PABPC1L2A: variants seen among roughly 807,000 people sequenced by gnomAD.
PABPC1L2A encodes poly(A) binding protein cytoplasmic 1 like 2A.
chrX:73,079,440 C>A lies in PABPC1L2A; in HGVS notation c.-54G>T. ...CCGAGGGTCTCATCCGCATCTGCAT[C>A]CGCGGCGGCCGCCGCAGCCGCCACC... On this transcript the variant is annotated 5_prime_UTR_variant, in exon 1 of 1. Transcript: ENST00000373519. 1.1e-6 allele frequency: 1 copy of A among 935,685 alleles called. No homozygotes were observed. 77.1% of individuals were successfully genotyped at this position (935,685 alleles called of 1,213,427 possible). A position where few individuals can be genotyped will look rare whatever the true frequency, so the allele number is the denominator to read the frequency against.
Position 73,077,722 on chromosome X carries a change from G to GACACACAC in PABPC1L2A, c.*1054_*1061dup, listed in dbSNP as rs377158860. On this transcript the variant is annotated 3_prime_UTR_variant, in exon 1 of 1. Transcript: ENST00000373519. Reference sequence around the variant, plus strand: ...CTTTGTAGCCCGCCAAGCTGGCCAAGACACACACACACACACACACACACA... The same window carrying GACACACAC: ...CTTTGTAGCCCGCCAAGCTGGCCAAGACACACACACACACACACACACACACACACACA... 1.5e-4 allele frequency: 16 copies of GACACACAC among 104,790 alleles called. No individual in the cohort carries two copies. Among genetic ancestry groups the GACACACAC allele is most frequent in the African/African-American group, 4.9e-4 (13 of 26,764 alleles). The allele number at this position is 104,790 out of a possible 1,213,427, so 8.6% of individuals were successfully genotyped here. A position where few individuals can be genotyped will look rare whatever the true frequency, so the allele number is the denominator to read the frequency against.
rs1199374640 is a variant in PABPC1L2A, at chrX:73,077,567, A to AT, written c.*1216dup. On this transcript the variant is annotated 3_prime_UTR_variant, in exon 1 of 1. Coordinates refer to ENST00000373519, the MANE Select transcript of PABPC1L2A (RefSeq NM_001012977.3). ...CTTCTGGTAACTTGTCTGCTTTGTGATTTTTTTTTCTTGCAATGACGCTGA... is the reference window on the plus strand; with the variant it reads ...CTTCTGGTAACTTGTCTGCTTTGTGATTTTTTTTTTCTTGCAATGACGCTGA... 4.3e-4 allele frequency: 51 copies of AT among 119,912 alleles called. No homozygotes were observed. Among genetic ancestry groups the AT allele is most frequent in the Non-Finnish European group, 7.0e-4 (37 of 52,710 alleles). The allele number at this position is 119,912 out of a possible 1,213,427, so 9.9% of individuals were successfully genotyped here. A position where few individuals can be genotyped will look rare whatever the true frequency, so the allele number is the denominator to read the frequency against.
rs2055543830 is a variant in PABPC1L2A, at chrX:73,077,404, T to C, written c.*1380A>G. ...TGTACATCATAATATACATATATGATATATGCATAAGAAAAAAACTAGACC... is the reference window on the plus strand; with the variant it reads ...TGTACATCATAATATACATATATGACATATGCATAAGAAAAAAACTAGACC... On this transcript the variant is annotated 3_prime_UTR_variant, in exon 1 of 1. Coordinates refer to ENST00000373519, the MANE Select transcript of PABPC1L2A (RefSeq NM_001012977.3). 1 of 111,647 alleles carries C rather than the reference T, an allele frequency of 9.0e-6. No individual in the cohort carries two copies. Among genetic ancestry groups the C allele is most frequent in the Non-Finnish European group, 1.9e-5 (1 of 53,096 alleles). The allele number at this position is 111,647 out of a possible 1,213,427, so 9.2% of individuals were successfully genotyped here.
chrX:73,077,426 G>C lies in PABPC1L2A; in HGVS notation c.*1358C>G, dbSNP rs1490618190. The C allele has an allele frequency of 1.8e-5, 2 of 111,528 alleles. No individual in the cohort carries two copies. Among genetic ancestry groups the C allele is most frequent in the Admixed American group, 9.6e-5 (1 of 10,458 alleles). 9.2% of individuals were successfully genotyped at this position (111,528 alleles called of 1,213,427 possible). On this transcript the variant is annotated 3_prime_UTR_variant, in exon 1 of 1. Coordinates refer to ENST00000373519, the MANE Select transcript of PABPC1L2A (RefSeq NM_001012977.3). Reference sequence around the variant, plus strand: ...TGATATATGCATAAGAAAAAAACTAGACCTACAGACAAAAATGTTTCAGGT... The same window carrying C: ...TGATATATGCATAAGAAAAAAACTACACCTACAGACAAAAATGTTTCAGGT...
Position 73,079,481 on chromosome X carries a change from G to C in PABPC1L2A, c.-95C>G, listed in dbSNP as rs2147931595. 1 of 1,047,021 alleles carries C rather than the reference G, an allele frequency of 9.6e-7. No homozygotes were observed. Among genetic ancestry groups the C allele is most frequent in the South Asian group, 2.3e-5 (1 of 44,316 alleles). The allele number at this position is 1,047,021 out of a possible 1,213,427, so 86.3% of individuals were successfully genotyped here. Reference sequence around the variant, plus strand: ...AGCCGCCACCTCGGCCGCCACCTCGGCCGCCACCTTCGCATCCGCATCCGC... The same window carrying C: ...AGCCGCCACCTCGGCCGCCACCTCGCCCGCCACCTTCGCATCCGCATCCGC... On this transcript the variant is annotated 5_prime_UTR_variant, in exon 1 of 1. Transcript: ENST00000373519.
At position 73,077,495 on chromosome X, in the gene PABPC1L2A, G is replaced by T. The variant is rs1365332670; in HGVS notation, c.*1289C>A. The T allele has an allele frequency of 3.4e-5, 4 of 117,421 alleles. No individual in the cohort carries two copies. The highest frequency in any genetic ancestry group is 7.5e-5 in the Non-Finnish European group (4 of 53,100). The allele number at this position is 117,421 out of a possible 1,213,427, so 9.7% of individuals were successfully genotyped here. On this transcript the variant is annotated 3_prime_UTR_variant, in exon 1 of 1. Transcript: ENST00000373519. ...AGAGGTGTGCATGAAAATGTTTCTGGAATGTGTGTGTAATCATCAGAAATG... is the reference window on the plus strand; with the variant it reads ...AGAGGTGTGCATGAAAATGTTTCTGTAATGTGTGTGTAATCATCAGAAATG...
At position 73,077,722 on chromosome X, in the gene PABPC1L2A, G is replaced by GAC. The variant is rs377158860; in HGVS notation, c.*1060_*1061dup. 6,875 of 108,863 alleles carry GAC rather than the reference G, an allele frequency of 0.063. 543 individuals are homozygous for GAC. The highest frequency in any genetic ancestry group is 0.22 in the African/African-American group (5,824 of 26,688). The allele number at this position is 108,863 out of a possible 1,213,427, so 9.0% of individuals were successfully genotyped here. On this transcript the variant is annotated 3_prime_UTR_variant, in exon 1 of 1. Transcript: ENST00000373519. The stretch of plus-strand genomic sequence containing the variant: ...CTTTGTAGCCCGCCAAGCTGGCCAA[G>GAC]ACACACACACACACACACACACACA...
At position 73,077,826 on chromosome X, in the gene PABPC1L2A, C is replaced by T; in HGVS notation, c.*958G>A. ...AAACGGGCATACTCTTTACTAGCTG[C>T]GCTGGCCGGCACGAGTGCAAATCGG... On this transcript the variant is annotated 3_prime_UTR_variant, in exon 1 of 1. Transcript: ENST00000373519. The T allele has an allele frequency of 8.1e-6, 1 of 124,137 alleles. No homozygotes were observed. The allele number at this position is 124,137 out of a possible 1,213,427, so 10.2% of individuals were successfully genotyped here.
rs1556385321 is a variant in PABPC1L2A, at chrX:73,077,555, G to C, written c.*1229C>G. On this transcript the variant is annotated 3_prime_UTR_variant, in exon 1 of 1. Transcript: ENST00000373519. ...GACTTTAATTTTCTTCTGGTAACTTGTCTGCTTTGTGATTTTTTTTTCTTG... is the reference window on the plus strand; with the variant it reads ...GACTTTAATTTTCTTCTGGTAACTTCTCTGCTTTGTGATTTTTTTTTCTTG... 1 of 121,423 alleles carries C rather than the reference G, an allele frequency of 8.2e-6. No individual in the cohort carries two copies. The highest frequency in any genetic ancestry group is 2.8e-4 in the East Asian group (1 of 3,544). The allele number at this position is 121,423 out of a possible 1,213,427, so 10.0% of individuals were successfully genotyped here. A position where few individuals can be genotyped will look rare whatever the true frequency, so the allele number is the denominator to read the frequency against.
Position 73,079,490 on chromosome X carries a change from T to TTC in PABPC1L2A, c.-106_-105dup. ...CTCGGCCGCCACCTCGGCCGCCACCTTCGCATCCGCATCCGCATCCGCATC... is the reference window on the plus strand; with the variant it reads ...CTCGGCCGCCACCTCGGCCGCCACCTTCTCGCATCCGCATCCGCATCCGCATC... On this transcript the variant is annotated 5_prime_UTR_variant, in exon 1 of 1. It introduces an in-frame stop codon into an upstream open reading frame of the 5' UTR. Transcript: ENST00000373519. The TTC allele has an allele frequency of 9.7e-7, 1 of 1,031,462 alleles. No homozygotes were observed. 85.0% of individuals were successfully genotyped at this position (1,031,462 alleles called of 1,213,427 possible).
rs1219778134 is a variant in PABPC1L2A at position 73,077,732 on chromosome X, C to CAAAG, written c.*1051_*1052insCTTT. 21 of 119,432 alleles carry CAAAG rather than the reference C, an allele frequency of 1.8e-4. No homozygotes were observed. Among genetic ancestry groups the CAAAG allele is most frequent in the East Asian group, 5.7e-4 (2 of 3,490 alleles). 9.8% of individuals were successfully genotyped at this position (119,432 alleles called of 1,213,427 possible). ...CGCCAAGCTGGCCAAGACACACACA[C>CAAAG]ACACACACACACACACACACGCACG... On this transcript the variant is annotated 3_prime_UTR_variant, in exon 1 of 1. Coordinates refer to ENST00000373519, the MANE Select transcript of PABPC1L2A (RefSeq NM_001012977.3).
In PABPC1L2A at chrX:73,077,624, G is replaced by A. The variant is rs1445125494; in HGVS notation, c.*1160C>T. 5.0e-5 allele frequency: 6 copies of A among 120,927 alleles called. No homozygotes were observed. In the Admixed American group the frequency reaches 5.8e-4, roughly 12 times the overall value. The allele number at this position is 120,927 out of a possible 1,213,427, so 10.0% of individuals were successfully genotyped here. On this transcript the variant is annotated 3_prime_UTR_variant, in exon 1 of 1. Transcript: ENST00000373519. ...TTTCTGACAACAGGGAAAAGGACAG[G>A]AAGAGGGCACAGGGGAATGGGGTCA...
rs2055542782 is a variant in PABPC1L2A, at chrX:73,077,293, T to C, written c.*1491A>G. The C allele has an allele frequency of 9.0e-6, 1 of 111,580 alleles. No individual in the cohort carries two copies. The highest frequency in any genetic ancestry group is 3.3e-5 in the African/African-American group (1 of 30,694). 9.2% of individuals were successfully genotyped at this position (111,580 alleles called of 1,213,427 possible). On this transcript the variant is annotated 3_prime_UTR_variant, in exon 1 of 1. Transcript: ENST00000373519. ...AGAGAAAATATTTTAAAAGTATCTTTAATGACATGAAATGAAGTTCAAGAA... is the reference window on the plus strand; with the variant it reads ...AGAGAAAATATTTTAAAAGTATCTTCAATGACATGAAATGAAGTTCAAGAA...
chrX:73,077,450 G>A lies in PABPC1L2A; in HGVS notation c.*1334C>T. 8.9e-6 allele frequency: 1 copy of A among 112,782 alleles called. No individual in the cohort carries two copies. Among genetic ancestry groups the A allele is most frequent in the South Asian group, 3.8e-4 (1 of 2,604 alleles). 9.3% of individuals were successfully genotyped at this position (112,782 alleles called of 1,213,427 possible). A position where few individuals can be genotyped will look rare whatever the true frequency, so the allele number is the denominator to read the frequency against. ...AGACCTACAGACAAAAATGTTTCAGGTAGTTCTAGAAAATATCAGAGAGGT... is the reference window on the plus strand; with the variant it reads ...AGACCTACAGACAAAAATGTTTCAGATAGTTCTAGAAAATATCAGAGAGGT... On this transcript the variant is annotated 3_prime_UTR_variant, in exon 1 of 1. Coordinates refer to ENST00000373519, the MANE Select transcript of PABPC1L2A (RefSeq NM_001012977.3).
Position 73,077,610 on chromosome X carries a change from AG to A in PABPC1L2A, c.*1173del, listed in dbSNP as rs1556385364. 5.8e-5 allele frequency: 7 copies of A among 120,961 alleles called. No individual in the cohort carries two copies. Among genetic ancestry groups the A allele is most frequent in the Non-Finnish European group, 7.6e-5 (4 of 52,882 alleles). The allele number at this position is 120,961 out of a possible 1,213,427, so 10.0% of individuals were successfully genotyped here. ...GACGCTGAATTACTTTTCTGACAAC[AG>A]GGAAAAGGACAGGAAGAGGGCACAG... On this transcript the variant is annotated 3_prime_UTR_variant, in exon 1 of 1. Transcript: ENST00000373519.
chrX:73,077,306 TGAA>T lies in PABPC1L2A; in HGVS notation c.*1475_*1477del, dbSNP rs782179930. The stretch of plus-strand genomic sequence containing the variant: ...TAAAAGTATCTTTAATGACATGAAA[TGAA>T]GTTCAAGAATATGTGTGTGTATAAA... On this transcript the variant is annotated 3_prime_UTR_variant, in exon 1 of 1. Transcript: ENST00000373519. The T allele has an allele frequency of 9.0e-6, 1 of 110,983 alleles. No homozygotes were observed. The highest frequency in any genetic ancestry group is 3.9e-4 in the South Asian group (1 of 2,595). The allele number at this position is 110,983 out of a possible 1,213,427, so 9.1% of individuals were successfully genotyped here. A position where few individuals can be genotyped will look rare whatever the true frequency, so the allele number is the denominator to read the frequency against.
rs2055543333 is a variant in PABPC1L2A at position 73,077,352 on chromosome X, G to T, written c.*1432C>A. The T allele has an allele frequency of 9.0e-6, 1 of 111,159 alleles. No individual in the cohort carries two copies. Among genetic ancestry groups the T allele is most frequent in the Non-Finnish European group, 1.9e-5 (1 of 53,025 alleles). 9.2% of individuals were successfully genotyped at this position (111,159 alleles called of 1,213,427 possible). A position where few individuals can be genotyped will look rare whatever the true frequency, so the allele number is the denominator to read the frequency against. On this transcript the variant is annotated 3_prime_UTR_variant, in exon 1 of 1. Transcript: ENST00000373519. ...TGTATAAATATACACACACATGTAT[G>T]TGTGAAAAGCAGATATAAAAACAGT...
Sources: allele counts gnomAD v4.1 joint callset, GRCh38; gene constraint gnomAD v4.1.1; transcripts MANE v1.5; gene names NCBI Gene and HGNC (gene_info 2026-07-23, HGNC 2026-07-21).